WDR11: variants seen among roughly 807,000 people sequenced by gnomAD.
WDR11 encodes the protein WD repeat-containing protein 11.
In WDR11, 83 loss-of-function variants were observed where a neutral mutation model predicts 151.2. The observed-to-expected ratio is 0.55, with a 90% CI of 0.46 to 0.66. The LOEUF (loss-of-function observed/expected upper bound fraction) is 0.66, where lower values mean the gene tolerates loss of function less well. Ranked by LOEUF, WDR11 falls within the 30% of genes least tolerant of loss-of-function variation. The pLI, the probability that WDR11 is intolerant of heterozygous loss-of-function variation, is 0.00. For synonymous variants in WDR11, 484 were observed against 533.1 expected, an observed-to-expected ratio of 0.91 and a Z score of 1.27; for missense variants, 1,301 against 1,480.9, an observed-to-expected ratio of 0.88 and a Z score of 1.99.
chr10:120,887,512 G>A (rs1187453314), intron 16 of WDR11, among the ~76,000 whole-genome samples: 1 of 152,174 alleles, frequency 6.6e-6, no homozygotes, highest in Non-Finnish European at 1.5e-5. Flanking sequence ...ATCTAAAAAT[G>A]GAATGCTCTA....
intron 28 of WDR11, among the ~76,000 whole-genome samples, 177 bp downstream of exon 28, chr10:120,907,032 A>G (rs967732776): frequency 6.6e-6 from 1 of 152,222 alleles, no homozygotes; most frequent in Admixed American, 6.5e-5. Context: ...ACAAAGAATC[A>G]GATAAGAAGG....
At chr10:120,900,834 T>C (rs185657316) in intron 20 of WDR11, among the ~76,000 whole-genome samples, 23 of 152,340 alleles carry the variant, frequency 1.5e-4, no homozygotes, top group African/African-American at 4.8e-4. Context: ...TTTCTTGTTT[T>C]TGACTCAATA....
intron 17 of WDR11, chr10:120,889,663 T>C (rs970199489): frequency 1.8e-6 from 1 of 540,834 alleles, no homozygotes; most frequent in African/African-American, 1.9e-5. Flanking sequence ...GGATGGGCCT[T>C]GAGCCAAGCA....
intron 3 of WDR11, among the ~76,000 whole-genome samples, chr10:120,859,593 C>A (rs1336337475): frequency 6.6e-6 from 1 of 152,010 alleles, no homozygotes; most frequent in Non-Finnish European, 1.5e-5. Flanking sequence ...AGACTTAAGT[C>A]CTCCAGTGGC....
intron 26 of WDR11, 34 bp from the exon 27 acceptor site, chr10:120,905,842 A>G: frequency 1.2e-6 from 2 of 1,614,092 alleles, no homozygotes; most frequent in Non-Finnish European, 1.7e-6. Flanking sequence ...AGAGTGCAGG[A>G]TGTTTTTGTT....
At chr10:120,883,048 G>A (rs981711800) in intron 13 of WDR11, among the ~76,000 whole-genome samples, 1 of 151,972 alleles carries the variant, frequency 6.6e-6, no homozygotes, top group Non-Finnish European at 1.5e-5. Context: ...AAATTTCCAT[G>A]GGGTGTTATT....
In WDR11 at chr10:120,860,025, A is replaced by G. The variant is rs1846086880; in HGVS notation, c.353-84A>G. ...TAAGTTTTTAAAGATTATATTTTAAAAACTAAATATCAAGGACAAGTTAGC... is the reference window on the plus strand; with the variant it reads ...TAAGTTTTTAAAGATTATATTTTAAGAACTAAATATCAAGGACAAGTTAGC... On this transcript the variant is annotated intron_variant, in intron 3 of 28. Transcript: ENST00000263461. 19 of 1,523,544 alleles carry G rather than the reference A, an allele frequency of 1.2e-5. No homozygotes were observed. The Admixed American group carries it at 3.2e-4, about 26-fold the overall frequency. 94.4% of individuals were successfully genotyped at this position (1,523,544 alleles called of 1,614,324 possible).
At chr10:120,897,673 A>G (rs1847662286) in intron 19 of WDR11, among the ~76,000 whole-genome samples, 1 of 152,178 alleles carries the variant, frequency 6.6e-6, no homozygotes, top group South Asian at 2.1e-4. Flanking sequence ...ACTCTTCAAA[A>G]ATGAAAAGGT....
chr10:120,884,285 T>G (rs1847135145), intron 14 of WDR11, among the ~76,000 whole-genome samples: 2 of 152,136 alleles, frequency 1.3e-5, no homozygotes, highest in Admixed American at 1.3e-4. Context: ...ATCAGTATTG[T>G]ATTGGCACAA....
Position 120,878,360 on chromosome 10 carries a change from G to C in WDR11, c.1564G>C (p.Glu522Gln). 6.2e-7 allele frequency: 1 copy of C among 1,609,916 alleles called. No individual in the cohort carries two copies. Among genetic ancestry groups the C allele is most frequent in the Non-Finnish European group, 8.5e-7 (1 of 1,176,682 alleles). The change falls in exon 12 of 29, where the codon GAA becomes CAA. Residue 522 changes from glutamate to glutamine, a missense_variant. Glu to Gln is a conservative substitution (Grantham distance 29, BLOSUM62 2). Around this residue, in one of 3 missense-constraint regions of WDR11, gnomAD observed 692 missense variants for 762.5 expected, o/e 0.91. Coordinates refer to ENST00000263461, the MANE Select transcript of WDR11 (RefSeq NM_018117.12). ...TCTCATTTCCTATTATAGGGGTATTGAATGGACAAGTTTGACTAGTTTTCT... is the reference window on the plus strand; with the variant it reads ...TCTCATTTCCTATTATAGGGGTATTCAATGGACAAGTTTGACTAGTTTTCT... ...SIHSCEVKGI[E>Q]WTSLTSFLSF...
At chr10:120,868,174 C>T (rs1341336628) in intron 9 of WDR11, among the ~76,000 whole-genome samples, 1 of 152,104 alleles carries the variant, frequency 6.6e-6, no homozygotes, top group Non-Finnish European at 1.5e-5. Context: ...AGAGCATTGG[C>T]CAGGCGCAGT....
chr10:120,899,855 C>T, intron 19 of WDR11, 174 bp from the exon 20 acceptor site: 1 of 625,266 alleles, frequency 1.6e-6, no homozygotes. Flanking sequence ...AATGCAGAGA[C>T]TCTCTCTGCT....
chr10:120,900,196 G>A, intron 20 of WDR11, 59 bp downstream of exon 20: 1 of 1,419,610 alleles, frequency 7.0e-7, no homozygotes, highest in Non-Finnish European at 9.9e-7. Flanking sequence ...AGACACCCAT[G>A]AAAGTCAGCC....
At chr10:120,882,133 T>C (rs918305697) in intron 13 of WDR11, among the ~76,000 whole-genome samples, 1 of 152,130 alleles carries the variant, frequency 6.6e-6, no homozygotes, top group African/African-American at 2.4e-5. Context: ...ATTTTGTTTT[T>C]CTTTTTGAAG....
intron 19 of WDR11, among the ~76,000 whole-genome samples, chr10:120,896,464 C>A (rs1207562135): frequency 6.6e-6 from 1 of 151,108 alleles, no homozygotes; most frequent in African/African-American, 2.4e-5. Flanking sequence ...AAAAAGCAAA[C>A]CCTAAAATTG....
chr10:120,870,572 G>A (rs973136887), intron 9 of WDR11, among the ~76,000 whole-genome samples: 7 of 152,176 alleles, frequency 4.6e-5, no homozygotes, highest in Admixed American at 3.3e-4. Flanking sequence ...ACTATTGACA[G>A]TGATGGTGTA....
chr10:120,853,802 A>G (rs1845859805), intron 2 of WDR11, among the ~76,000 whole-genome samples: 2 of 152,334 alleles, frequency 1.3e-5, no homozygotes, highest in South Asian at 4.1e-4. Flanking sequence ...AGTGATCAGT[A>G]TAAAGGAGAG....
chr10:120,904,913 C>A, intron 25 of WDR11, 102 bp downstream of exon 25: 1 of 1,387,610 alleles, frequency 7.2e-7, no homozygotes, highest in Non-Finnish European at 1.0e-6. Context: ...TTTACATATG[C>A]TGAAGAAAAA....
Position 120,885,851 on chromosome 10 carries a change from A to G in WDR11, c.1886A>G (p.Lys629Arg), listed in dbSNP as rs753893236. ...TCTCACAACTTGAAGAGCCTGAGAA[A>G]GAAGCAACTTGCAACTCGAGAGGCC... Reference protein sequence around the residue: ...SPSHNLKSLRKKQLATREAMA... With the variant: ...SPSHNLKSLRRKQLATREAMA... Residue 629 changes from lysine (K) to arginine (R), a missense_variant, in exon 15 of 29, where the codon AAG becomes AGG. Transcript: ENST00000263461. 5 of 1,613,878 alleles carry G rather than the reference A, an allele frequency of 3.1e-6. No individual in the cohort carries two copies. In the South Asian group the frequency reaches 4.4e-5, roughly 14 times the overall value.
Sources: gnomAD v4.1 joint callset for allele counts (sites outside exome capture counted in the v4.1 genomes callset) on GRCh38, gnomAD v4.1.1 for gene constraint, gnomAD v4.1.1 regional missense constraint, MANE v1.5 for transcripts, NCBI Gene and HGNC (gene_info 2026-07-23, HGNC 2026-07-21) for gene names.